Variants in FAHD2B observed in about 807,000 individuals in gnomAD.
FAHD2B encodes fumarylacetoacetate hydrolase domain containing 2B, also known as oxaloacetate tautomerase FAHD2B, mitochondrial.
In FAHD2B, 26 loss-of-function variants were observed where a neutral mutation model predicts 33.7. The observed-to-expected ratio is 0.77, with a 90% CI of 0.57 to 1.07. FAHD2B has a LOEUF of 1.07. FAHD2B is among the 50% of genes least tolerant of loss of function. The pLI, the probability that FAHD2B is intolerant of heterozygous loss-of-function variation, is 0.00. For missense variants in FAHD2B, 272 were observed against 388.1 expected (o/e 0.70, Z 2.51); for synonymous variants, 108 against 150.9 (o/e 0.72, Z 2.08).
In FAHD2B at chr2:97,084,211, T is replaced by C; in HGVS notation, c.752A>G (p.Gln251Arg). 6.2e-7 allele frequency: 1 copy of C among 1,613,778 alleles called. No homozygotes were observed. Among genetic ancestry groups the C allele is most frequent in the Non-Finnish European group, 8.5e-7 (1 of 1,179,844 alleles). Residue 251 changes from glutamine (Q) to arginine (R), a missense_variant, in exon 7 of 9, where the codon CAG becomes CGG. Gln to Arg is a conservative substitution (Grantham distance 43). Coordinates refer to ENST00000414820, the MANE Select transcript of FAHD2B (RefSeq NM_001320848.2). Reference sequence around the variant, plus strand: ...CAGGTCCTCTGTCTTGAATACCATCTGGTTGGTGTTGCTGCTCTGGACGAC... The same window carrying C: ...CAGGTCCTCTGTCTTGAATACCATCCGGTTGGTGTTGCTGCTCTGGACGAC... Reference protein sequence around the residue: ...GEVVQSSNTNQMVFKTEDLIA... With the variant: ...GEVVQSSNTNRMVFKTEDLIA...
chr2:97,088,017 C>G (rs2032100641), intron 4 of FAHD2B, among the ~76,000 whole-genome samples: 1 of 151,934 alleles, frequency 6.6e-6, no homozygotes. Flanking sequence ...GAAGAAACAA[C>G]CAGACAAACC....
chr2:97,084,773 C>T (rs2031854753), intron 6 of FAHD2B, among the ~76,000 whole-genome samples: 1 of 151,788 alleles, frequency 6.6e-6, no homozygotes, highest in Non-Finnish European at 1.5e-5. Context: ...ATTAGTCAGG[C>T]GTGGTGGTGC....
At chr2:97,081,771 C>T (rs2031652895), downstream of FAHD2B, among the ~76,000 whole-genome samples, 1 of 148,592 alleles carries the variant, frequency 6.7e-6, no homozygotes, top group Non-Finnish European at 1.5e-5. Flanking sequence ...GTTCTCTGCA[C>T]ACCTCCTGCT....
downstream of FAHD2B, chr2:97,082,039 CT>C: frequency 6.3e-7 from 1 of 1,583,970 alleles, no homozygotes; most frequent in Non-Finnish European, 8.6e-7. Flanking sequence ...CAGAAAGCTG[CT>C]GTGGAAACCG....
chr2:97,079,867 G>C (rs1239005437), downstream of FAHD2B, among the ~76,000 whole-genome samples: 1 of 151,970 alleles, frequency 6.6e-6, no homozygotes, highest in Non-Finnish European at 1.5e-5. Context: ...GTTTCATCAT[G>C]TTGGCCAGGC....
chr2:97,082,477 C>A (rs1390565529), downstream of FAHD2B: 29 of 1,612,720 alleles, frequency 1.8e-5, no homozygotes, highest in Non-Finnish European at 2.4e-5. Context: ...GAGTCTCAAC[C>A]AGTCAGCCCA....
At chr2:97,084,983 C>T (rs1198559798) in intron 6 of FAHD2B, among the ~76,000 whole-genome samples, 3 of 151,604 alleles carry the variant, frequency 2.0e-5, no homozygotes, top group South Asian at 2.1e-4. Flanking sequence ...AGAGAAGCCT[C>T]GTGTATCAGC....
downstream of FAHD2B, among the ~76,000 whole-genome samples, chr2:97,079,919 C>T (rs955359646): frequency 6.6e-6 from 1 of 152,062 alleles, no homozygotes; most frequent in Non-Finnish European, 1.5e-5. Flanking sequence ...CCTGCCTTGG[C>T]CTCCCACAGT....
At chr2:97,081,843 CT>C (rs2031655197), downstream of FAHD2B, 1 of 550,026 alleles carries the variant, frequency 1.8e-6, no homozygotes. Flanking sequence ...TCCTCTCACT[CT>C]GCAAGTTGGC....
intron 4 of FAHD2B, among the ~76,000 whole-genome samples, chr2:97,087,827 T>C (rs2032089415): frequency 6.6e-6 from 1 of 152,106 alleles, no homozygotes; most frequent in Non-Finnish European, 1.5e-5. Flanking sequence ...CCACATAGAT[T>C]GCTTGTTAAT....
chr2:97,079,729 A>G (rs2315161), downstream of FAHD2B, among the ~76,000 whole-genome samples: 5 of 150,276 alleles, frequency 3.3e-5, no homozygotes, highest in African/African-American at 9.8e-5. Flanking sequence ...CTGTGGTGCA[A>G]TCTCGGCTCA....
intron 4 of FAHD2B, among the ~76,000 whole-genome samples, chr2:97,088,491 T>G (rs1466014359): frequency 6.6e-6 from 1 of 152,146 alleles, no homozygotes; most frequent in Non-Finnish European, 1.5e-5. Context: ...ACCTAAGATG[T>G]GACTTGCTCC....
At chr2:97,081,474 C>G, downstream of FAHD2B, 1 of 1,583,914 alleles carries the variant, frequency 6.3e-7, no homozygotes, top group Non-Finnish European at 8.6e-7. Context: ...TCAGGAGGTG[C>G]TGGACAGGCT....
At chr2:97,080,033 C>A (rs1245024281), downstream of FAHD2B, among the ~76,000 whole-genome samples, 1 of 151,936 alleles carries the variant, frequency 6.6e-6, no homozygotes, top group Admixed American at 6.6e-5. Flanking sequence ...TTCTCTCATT[C>A]TTTAGGTTGT....
downstream of FAHD2B, chr2:97,082,834 T>C: frequency 5.0e-6 from 5 of 998,540 alleles, no homozygotes; most frequent in Admixed American, 3.4e-5. Flanking sequence ...AACCCAGCTA[T>C]GTCCCCATCA....
rs1559135764 is a variant in FAHD2B at position 97,085,747 on chromosome 2, T to G, written c.637A>C (p.Thr213Pro). 6.2e-7 allele frequency: 1 copy of G among 1,613,654 alleles called. No individual in the cohort carries two copies. The highest frequency in any genetic ancestry group is 8.5e-7 in the Non-Finnish European group (1 of 1,179,804). The change falls in exon 6 of 9, where the codon ACC becomes CCC. Residue 213 changes from threonine (T) to proline (P), a missense_variant. Thr to Pro is a conservative substitution (Grantham distance 38, BLOSUM62 -1). Coordinates refer to ENST00000414820, the MANE Select transcript of FAHD2B (RefSeq NM_001320848.2). The part of the protein sequence containing the change: ...KQWLLGKTFD[T>P]FCPLGPALVT... The stretch of plus-strand genomic sequence containing the variant: ...AAGGCAGGGCCCAGAGGGCAGAAGG[T>G]GTCGAAGGTTTTTCCCAGCAGCCAC...
intron 4 of FAHD2B, among the ~76,000 whole-genome samples, chr2:97,087,419 C>T (rs1183629949): frequency 6.6e-6 from 1 of 151,978 alleles, no homozygotes; most frequent in Admixed American, 6.6e-5. Flanking sequence ...TGTTCTTGGC[C>T]GGGTGCAGTG....
downstream of FAHD2B, chr2:97,082,607 C>G: frequency 6.4e-7 from 1 of 1,565,354 alleles, no homozygotes. Flanking sequence ...TGAGTTCTAT[C>G]CCTCCCGGGG....
chr2:97,082,667 C>T (rs2031694159), downstream of FAHD2B: 2 of 1,567,156 alleles, frequency 1.3e-6, no homozygotes, highest in Non-Finnish European at 1.8e-6. Flanking sequence ...TCCCTGTCCT[C>T]CCTACCTAGA....
Sources: gnomAD v4.1 joint callset for allele counts (sites outside exome capture counted in the v4.1 genomes callset) on GRCh38, gnomAD v4.1.1 for gene constraint, MANE v1.5 for transcripts, NCBI Gene and HGNC (gene_info 2026-07-23, HGNC 2026-07-21) for gene names.